The following SERPINB12 variants were observed in gnomAD, a reference collection of about 807,000 sequenced individuals.
The protein encoded by SERPINB12 is serpin B12.
A neutral mutation model predicts 41.1 loss-of-function variants in SERPINB12; 57 were observed. The observed-to-expected ratio is 1.39, with a 90% confidence interval of 1.12 to 1.73. The LOEUF is 1.73. Ranked by LOEUF, SERPINB12 falls within the 40% of genes most tolerant of loss-of-function variation. The pLI, the probability that SERPINB12 is intolerant of heterozygous loss-of-function variation, is 0.00. For synonymous variants in SERPINB12, 180 were observed against 181.3 expected, an observed-to-expected ratio of 0.99 and a Z score of 0.06; for missense variants, 536 against 501.9, an observed-to-expected ratio of 1.07 and a Z score of -0.65.
chr18:63,556,671 G>T (rs1042837277), intron 2 of SERPINB12, among the ~76,000 whole-genome samples: 2 of 152,116 alleles, frequency 1.3e-5, no homozygotes, highest in Non-Finnish European at 2.9e-5. Context: ...TTTAGTATGT[G>T]TATATGTCTT....
chr18:63,542,839 A>G (rs1055604431), intron 1 of SERPINB12, among the ~76,000 whole-genome samples: 6 of 151,900 alleles, frequency 3.9e-5, no homozygotes, highest in Admixed American at 3.9e-4. Context: ...TTCCTTTTTT[A>G]TGTCCATATG....
chr18:63,520,786 G>A, the SERPINB12 span, among the ~76,000 whole-genome samples: 1 of 152,184 alleles, frequency 6.6e-6, no homozygotes, highest in East Asian at 1.9e-4. Flanking sequence ...TTAAGCTGAA[G>A]TGAATAAACA....
Position 63,556,130 on chromosome 18 carries a change from T to A in SERPINB12, c.-18-12T>A. The A allele has an allele frequency of 1.3e-6, 2 of 1,574,244 alleles. No individual in the cohort carries two copies. Among genetic ancestry groups the A allele is most frequent in the Non-Finnish European group, 1.7e-6 (2 of 1,157,804 alleles). Reference sequence around the variant, plus strand: ...TCACCATTTTCTCTTTCTCCTTTTTTTTTGGTTTTAGATCGTTATAAGTTT... The same window carrying A: ...TCACCATTTTCTCTTTCTCCTTTTTATTTGGTTTTAGATCGTTATAAGTTT... On this transcript the variant is annotated splice_polypyrimidine_tract_variant and intron_variant, in intron 1 of 7. Transcript: ENST00000382768.
chr18:63,534,608 T>G, the SERPINB12 span, among the ~76,000 whole-genome samples: 4 of 152,140 alleles, frequency 2.6e-5, no homozygotes, highest in Non-Finnish European at 5.9e-5. Context: ...TTCACAAACT[T>G]TTTTTTCTTT....
At chr18:63,561,514 T>C (rs894765392) in intron 5 of SERPINB12, among the ~76,000 whole-genome samples, 1 of 152,224 alleles carries the variant, frequency 6.6e-6, no homozygotes, top group Non-Finnish European at 1.5e-5. Context: ...AGAGCTGTCA[T>C]TCGACCCAGC....
chr18:63,556,355 G>T, intron 2 of SERPINB12, 28 bp downstream of exon 2: 1 of 1,590,196 alleles, frequency 6.3e-7, no homozygotes. Context: ...TGCTACACAG[G>T]GTCCTAAACT....
chr18:63,526,891 T>C, the SERPINB12 span, among the ~76,000 whole-genome samples: 6 of 152,202 alleles, frequency 3.9e-5, no homozygotes, highest in Non-Finnish European at 7.4e-5. Flanking sequence ...ACTACACACC[T>C]AGGCCATATC....
the SERPINB12 span, among the ~76,000 whole-genome samples, chr18:63,534,088 G>T: frequency 6.6e-6 from 1 of 152,056 alleles, no homozygotes; most frequent in African/African-American, 2.4e-5. Context: ...CTTGATTCTG[G>T]CTTGTTTTAT....
chr18:63,565,742 A>G, intron 7 of SERPINB12, 130 bp downstream of exon 7: 1 of 682,298 alleles, frequency 1.5e-6, no homozygotes, highest in Non-Finnish European at 2.3e-6. Flanking sequence ...AATGTGTAAG[A>G]ATCTGAATTA....
intron 1 of SERPINB12, among the ~76,000 whole-genome samples, chr18:63,552,634 T>G (rs1441201494): frequency 6.6e-6 from 1 of 152,190 alleles, no homozygotes; most frequent in Non-Finnish European, 1.5e-5. Flanking sequence ...TACTCCTGAA[T>G]CTGCGAATGC....
At chr18:63,529,755 G>A in the SERPINB12 span, among the ~76,000 whole-genome samples, 4 of 151,682 alleles carry the variant, frequency 2.6e-5, no homozygotes, top group East Asian at 3.9e-4. Context: ...CCAGTGAAAC[G>A]TAATTATGCC....
At chr18:63,563,303 T>C (rs1326216764) in intron 5 of SERPINB12, among the ~76,000 whole-genome samples, 1 of 152,234 alleles carries the variant, frequency 6.6e-6, no homozygotes, top group East Asian at 1.9e-4. Flanking sequence ...AAGTTTATAT[T>C]GTAGTTCTTT....
the SERPINB12 span, among the ~76,000 whole-genome samples, chr18:63,533,659 A>G: frequency 6.6e-6 from 1 of 152,318 alleles, no homozygotes; most frequent in South Asian, 2.1e-4. Context: ...GATTTTAGAG[A>G]TTAGTTTGCA....
chr18:63,556,472 G>T (rs1257143685), intron 2 of SERPINB12, 145 bp downstream of exon 2: 2 of 602,220 alleles, frequency 3.3e-6, no homozygotes, highest in Non-Finnish European at 5.6e-6. Context: ...GTCTTTATTT[G>T]TATTTTCTCC....
Position 63,549,281 on chromosome 18 carries a change from A to G in SERPINB12, c.-19+6789A>G, listed in dbSNP as rs181271816. ...TGTGAGGGCAAAATTCCTCATTACT[A>G]TTATTCTGCCATCTGTATAACAAAT... On this transcript the variant is annotated intron_variant, in intron 1 of 7. Transcript: ENST00000382768. 1.2e-3 allele frequency among the ~76,000 whole-genome samples: 187 copies of G among 152,312 alleles called. 1 individual carries two copies. Among genetic ancestry groups the G allele is most frequent in the African/African-American group, 4.4e-3 (182 of 41,586 alleles).
chr18:63,534,786 T>C, the SERPINB12 span, among the ~76,000 whole-genome samples: 1 of 152,170 alleles, frequency 6.6e-6, no homozygotes, highest in Non-Finnish European at 1.5e-5. Flanking sequence ...TTTGTCTTTG[T>C]GGCTTCTGGT....
Position 63,559,685 on chromosome 18 carries a change from G to A in SERPINB12, c.411G>A (p.Arg137=), listed in dbSNP as rs901971104. The A allele has an allele frequency of 6.2e-7, 1 of 1,614,084 alleles. No individual in the cohort carries two copies. Among genetic ancestry groups the A allele is most frequent in the Non-Finnish European group, 8.5e-7 (1 of 1,179,978 alleles). ...KTDYTLSIAN[R]LYGEQEFPIC... ...ATTACACACTGAGTATTGCCAACAG[G>A]CTTTATGGAGAGCAGGAATTCCCAA... Residue 137 remains arginine (R), a synonymous_variant, in exon 4 of 8, where the codon AGG becomes AGA. Transcript: ENST00000382768.
At chr18:63,561,313 T>G in intron 5 of SERPINB12, 111 bp downstream of exon 5, 1 of 667,062 alleles carries the variant, frequency 1.5e-6, no homozygotes, top group Non-Finnish European at 2.7e-6. Flanking sequence ...TTCACATATG[T>G]GGACTGTGTT....
chr18:63,526,662 C>T, the SERPINB12 span, among the ~76,000 whole-genome samples: 1 of 152,168 alleles, frequency 6.6e-6, no homozygotes, highest in African/African-American at 2.4e-5. Context: ...GTGGACCATA[C>T]TTGGGATAAA....
Sources: allele counts gnomAD v4.1 joint callset (sites outside exome capture counted in the v4.1 genomes callset), GRCh38; gene constraint gnomAD v4.1.1; transcripts MANE v1.5; gene names NCBI Gene and HGNC (gene_info 2026-07-23, HGNC 2026-07-21).